PARVA: variants seen among roughly 807,000 people sequenced by gnomAD.
PARVA encodes alpha-parvin.
Under a neutral mutation model 52.6 loss-of-function variants are expected in PARVA, and 25 were observed. The ratio of observed to expected loss-of-function variants is 0.48; its 90% CI spans 0.35 to 0.66. The LOEUF (loss-of-function observed/expected upper bound fraction) is 0.66. PARVA is among the 30% of genes least tolerant of loss of function. The pLI is 0.01. For synonymous variants in PARVA, 185 were observed against 179.1 expected, an observed-to-expected ratio of 1.03 and a Z score of -0.26; for missense variants, 373 against 450.9, an observed-to-expected ratio of 0.83 and a Z score of 1.56.
At chr11:12,441,077 T>G (rs1230532302) in intron 1 of PARVA, among the ~76,000 whole-genome samples, 1 of 152,176 alleles carries the variant, frequency 6.6e-6, no homozygotes, top group African/African-American at 2.4e-5. Context: ...TTTTAAACAA[T>G]CTCCTTTAAT....
intron 10 of PARVA, among the ~76,000 whole-genome samples, chr11:12,516,129 G>A (rs1238819282): frequency 2.0e-5 from 3 of 152,202 alleles, no homozygotes; most frequent in Non-Finnish European, 2.9e-5. Context: ...ATGAGCCACC[G>A]CACTCGGCCA....
intron 6 of PARVA, 63 bp downstream of exon 6, chr11:12,504,492 G>A (rs1941407031): frequency 2.0e-6 from 2 of 984,686 alleles, no homozygotes; most frequent in South Asian, 2.8e-5. Flanking sequence ...GAGTTCCTAT[G>A]GTGCGTCGAG....
chr11:12,458,967 CTTCTTTCCTTTCCTGGGAT>C (rs1215866570), intron 1 of PARVA, among the ~76,000 whole-genome samples: 7 of 152,168 alleles, frequency 4.6e-5, no homozygotes, highest in African/African-American at 1.7e-4. Context: ...TTTCTTTGTT[CTTCTTTCCTTTCCTGGGAT>C]TTCTTTCCTG....
intron 1 of PARVA, among the ~76,000 whole-genome samples, chr11:12,473,330 G>A (rs775191656): frequency 6.6e-6 from 1 of 152,176 alleles, no homozygotes; most frequent in South Asian, 2.1e-4. Context: ...CGTACATATA[G>A]CCTCAAACCC....
chr11:12,425,172 G>A (rs1486988739), intron 1 of PARVA, among the ~76,000 whole-genome samples: 1 of 152,182 alleles, frequency 6.6e-6, no homozygotes, highest in Admixed American at 6.5e-5. Context: ...TTAGAAGTGT[G>A]TAGAGAGGAC....
At chr11:12,428,228 G>T (rs781493221) in intron 1 of PARVA, among the ~76,000 whole-genome samples, 11 of 152,174 alleles carry the variant, frequency 7.2e-5, no homozygotes, top group Non-Finnish European at 1.3e-4. Flanking sequence ...GGTATTGCCG[G>T]ATTACCAGTC....
intron 1 of PARVA, among the ~76,000 whole-genome samples, chr11:12,383,467 C>T (rs1188964778): frequency 6.6e-6 from 1 of 152,180 alleles, no homozygotes; most frequent in Admixed American, 6.5e-5. Flanking sequence ...CTGAGGTATC[C>T]AATGAAGGCT....
chr11:12,377,877 C>T (rs990984195), intron 1 of PARVA, 94 bp downstream of exon 1: 3 of 853,964 alleles, frequency 3.5e-6, no homozygotes, highest in Non-Finnish European at 4.6e-6. Flanking sequence ...GGGAGCGCGC[C>T]GCGGGTGCCC....
chr11:12,518,643 G>A (rs1305625326), intron 12 of PARVA, 126 bp downstream of exon 12: 5 of 724,198 alleles, frequency 6.9e-6, no homozygotes, highest in Non-Finnish European at 1.2e-5. Context: ...GTGGGACTCG[G>A]TGCAGCTGCT....
intron 1 of PARVA, among the ~76,000 whole-genome samples, chr11:12,417,636 C>T (rs1392139724): frequency 1.3e-5 from 2 of 152,020 alleles, no homozygotes; most frequent in Non-Finnish European, 2.9e-5. Context: ...TTTCACTCTG[C>T]AAGACTGAAA....
At chr11:12,493,437 C>A in intron 4 of PARVA, among the ~76,000 whole-genome samples, 1 of 144,294 alleles carries the variant, frequency 6.9e-6, no homozygotes, top group Admixed American at 6.9e-5. Context: ...CCATTTAATA[C>A]CAATATCAAT....
chr11:12,502,993 C>T (rs1941382374), intron 5 of PARVA, among the ~76,000 whole-genome samples: 1 of 152,132 alleles, frequency 6.6e-6, no homozygotes, highest in African/African-American at 2.4e-5. Context: ...CTCCAGTCTG[C>T]CTGACCCTCT....
intron 12 of PARVA, among the ~76,000 whole-genome samples, chr11:12,525,638 G>A (rs1941690873): frequency 6.6e-6 from 1 of 152,168 alleles, no homozygotes; most frequent in Non-Finnish European, 1.5e-5. Flanking sequence ...ATTCCATCTG[G>A]CAGAAGGTGA....
intron 10 of PARVA, among the ~76,000 whole-genome samples, chr11:12,514,811 C>T (rs935062329): frequency 6.6e-6 from 1 of 152,214 alleles, no homozygotes; most frequent in East Asian, 1.9e-4. Flanking sequence ...ACTAAAATGG[C>T]AACATCATGT....
chr11:12,379,059 C>T (rs1050638278), intron 1 of PARVA, among the ~76,000 whole-genome samples: 1 of 152,164 alleles, frequency 6.6e-6, no homozygotes, highest in African/African-American at 2.4e-5. Flanking sequence ...TTCATGTCTC[C>T]TCTTTTTAGA....
intron 4 of PARVA, among the ~76,000 whole-genome samples, chr11:12,486,067 T>C (rs1046756774): frequency 1.3e-5 from 2 of 152,144 alleles, no homozygotes; most frequent in East Asian, 1.9e-4. Context: ...AGATAAGATA[T>C]AGAGTTAACA....
chr11:12,502,992 G>A (rs1941382340), intron 5 of PARVA, among the ~76,000 whole-genome samples: 1 of 152,132 alleles, frequency 6.6e-6, no homozygotes, highest in Non-Finnish European at 1.5e-5. Context: ...GCTCCAGTCT[G>A]CCTGACCCTC....
intron 1 of PARVA, among the ~76,000 whole-genome samples, chr11:12,418,055 A>G (rs1264390684): frequency 6.6e-6 from 1 of 152,226 alleles, no homozygotes; most frequent in Admixed American, 6.5e-5. Context: ...AAACATCTGA[A>G]ACTGCAAGTC....
intron 1 of PARVA, among the ~76,000 whole-genome samples, chr11:12,415,676 A>G (rs1327155860): frequency 6.6e-6 from 1 of 152,208 alleles, no homozygotes; most frequent in Non-Finnish European, 1.5e-5. Flanking sequence ...GAATAATTTC[A>G]TTTTGAAATA....
Sources: allele counts gnomAD v4.1 joint callset (sites outside exome capture counted in the v4.1 genomes callset), GRCh38; gene constraint gnomAD v4.1.1; transcripts MANE v1.5; gene names NCBI Gene and HGNC (gene_info 2026-07-23, HGNC 2026-07-21).